The following TTLL9 variants were observed in gnomAD, a reference collection of about 807,000 sequenced individuals.
The protein encoded by TTLL9 is tubulin tyrosine ligase like 9, also known as probable tubulin polyglutamylase TTLL9.
A neutral mutation model predicts 65.6 loss-of-function variants in TTLL9; 47 were observed. That is an observed-to-expected ratio of 0.72 (90% CI 0.57 to 0.91). The LOEUF is 0.91. Ranked by LOEUF, TTLL9 falls within the 40% of genes least tolerant of loss-of-function variation. The probability of loss-of-function intolerance (pLI) is 0.00; values close to 1 mark genes in which losing one functional copy is unlikely to be tolerated. For missense variants in TTLL9, 537 were observed against 568.8 expected, an observed-to-expected ratio of 0.94 and a Z score of 0.57; for synonymous variants, 179 against 204.8, an observed-to-expected ratio of 0.87 and a Z score of 1.07.
At chr20:31,933,357 T>C (rs1162129891) in intron 10 of TTLL9, among the ~76,000 whole-genome samples, 1 of 151,974 alleles carries the variant, frequency 6.6e-6, no homozygotes, top group African/African-American at 2.4e-5. Flanking sequence ...CAGCCTACTG[T>C]GTCCTGAGAT....
intron 4 of TTLL9, among the ~76,000 whole-genome samples, chr20:31,905,768 T>C (rs1238436510): frequency 1.3e-5 from 2 of 152,048 alleles, no homozygotes; most frequent in Admixed American, 6.5e-5. Flanking sequence ...GCGCGGTGGC[T>C]CACGCCTATA....
At chr20:31,910,387 C>T (rs1426435223) in intron 6 of TTLL9, among the ~76,000 whole-genome samples, 1 of 152,204 alleles carries the variant, frequency 6.6e-6, no homozygotes, top group Admixed American at 6.5e-5. Context: ...GGTCTGTGCC[C>T]TTTTTGCAGG....
chr20:31,873,987 T>G (rs2063003938), intron 2 of TTLL9, among the ~76,000 whole-genome samples: 1 of 152,230 alleles, frequency 6.6e-6, no homozygotes, highest in Non-Finnish European at 1.5e-5. Flanking sequence ...GTCCCTTAAT[T>G]TACCCATAGA....
intron 2 of TTLL9, among the ~76,000 whole-genome samples, chr20:31,885,368 C>T (rs569881358): frequency 4.6e-5 from 7 of 151,942 alleles, no homozygotes; most frequent in East Asian, 3.9e-4. Context: ...AACACAGTCT[C>T]GAGATAGATC....
intron 4 of TTLL9, among the ~76,000 whole-genome samples, chr20:31,903,825 G>T (rs374705553): frequency 1.8e-4 from 27 of 152,278 alleles, no homozygotes; most frequent in African/African-American, 6.5e-4. Context: ...TCAAAGTCAG[G>T]ACATTAACAT....
intron 5 of TTLL9, 43 bp from the exon 6 acceptor site, chr20:31,909,694 T>C: frequency 1.3e-6 from 2 of 1,593,436 alleles, no homozygotes; most frequent in Non-Finnish European, 1.7e-6. Context: ...GGAGCGGGGC[T>C]GTGAGCAGGA....
chr20:31,899,515 T>C (rs1053550192), intron 4 of TTLL9, among the ~76,000 whole-genome samples: 23 of 151,998 alleles, frequency 1.5e-4, no homozygotes, highest in Non-Finnish European at 2.4e-4. Context: ...GTGCCTGTAG[T>C]CCCAGCTACT....
At chr20:31,890,417 G>A (rs548907842) in intron 3 of TTLL9, among the ~76,000 whole-genome samples, 2 of 151,866 alleles carry the variant, frequency 1.3e-5, no homozygotes, top group Non-Finnish European at 2.9e-5. Flanking sequence ...ATCCACATTG[G>A]CACCTGTAGC....
intron 12 of TTLL9, among the ~76,000 whole-genome samples, chr20:31,935,660 G>A (rs77701891): frequency 0.09 from 13,637 of 152,334 alleles, 835 homozygotes; most frequent in Non-Finnish European, 0.13. Flanking sequence ...GCAGCAGGAT[G>A]TGACTGCTGG....
At chr20:31,901,220 T>C (rs542443214) in intron 4 of TTLL9, 1 of 152,330 alleles carries the variant, frequency 6.6e-6, no homozygotes, top group South Asian at 2.1e-4. Flanking sequence ...CCCGACACGA[T>C]GAGCATGAGG....
intron 10 of TTLL9, among the ~76,000 whole-genome samples, chr20:31,928,070 G>T (rs1208821757): frequency 4.8e-5 from 7 of 147,294 alleles, no homozygotes; most frequent in Admixed American, 6.8e-5. Context: ...TTTAACTAAA[G>T]TTAAATAATA....
At chr20:31,903,764 C>T (rs2063510817) in intron 4 of TTLL9, among the ~76,000 whole-genome samples, 1 of 152,198 alleles carries the variant, frequency 6.6e-6, no homozygotes, top group Non-Finnish European at 1.5e-5. Flanking sequence ...CCTCTTTTAG[C>T]AGTTTTACCA....
intron 5 of TTLL9, 42 bp downstream of exon 5, chr20:31,908,744 G>A (rs1476198879): frequency 6.8e-7 from 1 of 1,462,228 alleles, no homozygotes; most frequent in African/African-American, 1.4e-5. Flanking sequence ...ACCAACTCAT[G>A]TCACTGGGTG....
chr20:31,908,653 C>A lies in TTLL9; in HGVS notation c.269C>A (p.Thr90Asn). The change falls in exon 5 of 15, where the codon ACC becomes AAC. Residue 90 changes from threonine to asparagine, a missense_variant. Physicochemically the swap from Thr to Asn is moderately conservative, Grantham distance 65. This residue lies in a region of TTLL9 where 320 missense variants were observed against 311.0 expected (regional missense o/e 1.03). Transcript: ENST00000535842. ...VSWLRENFDH[T>N]YMDEHVRISH... ...TGGCTCCGGGAGAACTTCGACCACA[C>A]CTACATGGATGAACATGTGCGGATC... The A allele has an allele frequency of 6.2e-7, 1 of 1,614,164 alleles. No homozygotes were observed. The highest frequency in any genetic ancestry group is 8.5e-7 in the Non-Finnish European group (1 of 1,180,030).
chr20:31,922,093 AC>A, intron 7 of TTLL9, among the ~76,000 whole-genome samples: 1 of 151,762 alleles, frequency 6.6e-6, no homozygotes, highest in Admixed American at 6.6e-5. Flanking sequence ...ACATGGTGAA[AC>A]CCCATCTCTA....
chr20:31,922,665 C>A (rs2063830982), intron 7 of TTLL9, among the ~76,000 whole-genome samples: 3 of 152,220 alleles, frequency 2.0e-5, no homozygotes, highest in South Asian at 4.1e-4. Flanking sequence ...CGTCTTGCGG[C>A]CAGTGACTGC....
At chr20:31,873,758 AAGAAAGAAAG>A (rs1177395059) in intron 2 of TTLL9, among the ~76,000 whole-genome samples, 2 of 145,208 alleles carry the variant, frequency 1.4e-5, no homozygotes, top group Admixed American at 6.8e-5. Flanking sequence ...GGAAGAAAGA[AAGAAAGAAAG>A]AGAAAGAAAG....
intron 11 of TTLL9, 70 bp from the exon 12 acceptor site, chr20:31,934,622 G>A: frequency 1.4e-6 from 2 of 1,389,614 alleles, no homozygotes; most frequent in Non-Finnish European, 2.0e-6. Flanking sequence ...GAGCAATTGT[G>A]TAAGGGTCCT....
At chr20:31,924,866 C>T (rs749440193) in intron 8 of TTLL9, 143 bp from the exon 9 acceptor site, 175 of 897,662 alleles carry the variant, frequency 1.9e-4, no homozygotes, top group Non-Finnish European at 2.9e-4. Context: ...CATGAGGCAC[C>T]GCGCCTAGCC....
Sources: gnomAD v4.1 joint callset for allele counts (sites outside exome capture counted in the v4.1 genomes callset) on GRCh38, gnomAD v4.1.1 for gene constraint, gnomAD v4.1.1 regional missense constraint, MANE v1.5 for transcripts, NCBI Gene and HGNC (gene_info 2026-07-23, HGNC 2026-07-21) for gene names.